AGBL4: variants seen among roughly 807,000 people sequenced by gnomAD.
The protein encoded by AGBL4 is AGBL carboxypeptidase 4, also known as cytosolic carboxypeptidase 6.
In AGBL4, 58 loss-of-function variants were observed where a neutral mutation model predicts 66.4. That is an observed-to-expected ratio of 0.87 (90% CI 0.71 to 1.09). The LOEUF (loss-of-function observed/expected upper bound fraction) is 1.09, where lower values mean the gene tolerates loss of function less well. AGBL4 is among the 50% of genes least tolerant of loss of function. AGBL4 has a pLI of 0.00. For missense variants in AGBL4, 579 were observed against 631.0 expected (o/e 0.92, Z 0.88); for synonymous variants, 234 against 222.9 (o/e 1.05, Z -0.44).
In AGBL4 at chr1:48,730,152, G is replaced by C. The variant is rs567590173; in HGVS notation, c.635-66911C>G. On this transcript the variant is annotated intron_variant, in intron 6 of 13. Coordinates refer to ENST00000371839, the MANE Select transcript of AGBL4 (RefSeq NM_032785.4). Reference sequence around the variant, plus strand: ...TCGGTTTTTCTCTCTGTCAAAGCACGAATCACAATCTAATAAAACTGTAAC... The same window carrying C: ...TCGGTTTTTCTCTCTGTCAAAGCACCAATCACAATCTAATAAAACTGTAAC... Among the ~76,000 whole-genome samples, 3 of 152,172 alleles carry C rather than the reference G, an allele frequency of 2.0e-5. No individual in the cohort carries two copies. The East Asian group carries it at 5.8e-4, about 29-fold the overall frequency.
intron 3 of AGBL4, among the ~76,000 whole-genome samples, chr1:49,372,941 T>C (rs1305305650): frequency 1.3e-5 from 2 of 151,998 alleles, no homozygotes; most frequent in Non-Finnish European, 2.9e-5. Context: ...GTATTTTTAG[T>C]AGAGATGGGA....
intron 3 of AGBL4, among the ~76,000 whole-genome samples, chr1:49,336,408 C>T (rs573411589): frequency 3.3e-4 from 51 of 152,306 alleles, no homozygotes; most frequent in Admixed American, 1.6e-3. Context: ...ACTAAGTCTA[C>T]GATTCAAATG....
intron 3 of AGBL4, among the ~76,000 whole-genome samples, chr1:49,283,461 T>C (rs1275418771): frequency 2.0e-5 from 3 of 151,970 alleles, no homozygotes; most frequent in African/African-American, 7.3e-5. Flanking sequence ...ACGCAGAGCG[T>C]CTCTCCTCCT....
intron 3 of AGBL4, among the ~76,000 whole-genome samples, chr1:49,335,020 A>C (rs241468): frequency 0.88 from 134,709 of 152,250 alleles, 59,907 homozygotes; most frequent in African/African-American, 0.97. Context: ...ATACACACAG[A>C]CACTGGTTTC....
intron 3 of AGBL4, among the ~76,000 whole-genome samples, chr1:49,290,414 G>A (rs147985203): frequency 2.3e-3 from 355 of 152,292 alleles, no homozygotes; most frequent in African/African-American, 7.9e-3. Context: ...GCTTGTGCCT[G>A]AGTCACACAG....
chr1:49,191,181 A>G (rs964966294), intron 4 of AGBL4, among the ~76,000 whole-genome samples: 4 of 152,362 alleles, frequency 2.6e-5, no homozygotes, highest in African/African-American at 7.2e-5. Flanking sequence ...GGTCCTGTAC[A>G]TTAAGGGAAG....
chr1:48,776,886 G>A (rs1177223341), intron 6 of AGBL4: 2 of 1,245,818 alleles, frequency 1.6e-6, no homozygotes. Context: ...GGGCGGGCGC[G>A]GAGGTGGGGA....
intron 2 of AGBL4, among the ~76,000 whole-genome samples, chr1:49,768,724 G>A (rs1316711923): frequency 1.3e-5 from 2 of 152,118 alleles, no homozygotes; most frequent in Admixed American, 6.5e-5. Flanking sequence ...AGAAAAAAAA[G>A]TCAAAATATT....
intron 3 of AGBL4, among the ~76,000 whole-genome samples, chr1:49,653,132 A>C (rs1646043431): frequency 6.6e-6 from 1 of 152,120 alleles, no homozygotes; most frequent in Non-Finnish European, 1.5e-5. Context: ...CATCTTTGCT[A>C]TTCTGCAGCC....
chr1:48,564,608 A>T (rs892818238), intron 11 of AGBL4, among the ~76,000 whole-genome samples: 1 of 152,208 alleles, frequency 6.6e-6, no homozygotes, highest in Non-Finnish European at 1.5e-5. Context: ...TTCATCTCTT[A>T]ACCAGCATGT....
At chr1:50,021,948 T>C (rs868655245) in intron 1 of AGBL4, among the ~76,000 whole-genome samples, 2 of 152,176 alleles carry the variant, frequency 1.3e-5, no homozygotes, top group Non-Finnish European at 2.9e-5. Flanking sequence ...TTGCCCCACA[T>C]GTACCCACAC....
intron 11 of AGBL4, chr1:48,586,410 G>GA (rs978862110): frequency 6.5e-6 from 1 of 152,894 alleles, no homozygotes; most frequent in Non-Finnish European, 1.5e-5. Context: ...AGAGAGGACA[G>GA]AAAGGAGGGG....
chr1:49,363,117 A>C (rs1644175642), intron 3 of AGBL4, among the ~76,000 whole-genome samples: 1 of 152,218 alleles, frequency 6.6e-6, no homozygotes, highest in African/African-American at 2.4e-5. Context: ...AAGAATATGA[A>C]GCGAGAAGAC....
chr1:49,593,179 C>A (rs575363580), intron 3 of AGBL4, among the ~76,000 whole-genome samples: 1 of 152,038 alleles, frequency 6.6e-6, no homozygotes, highest in South Asian at 2.1e-4. Context: ...GAGGCCAAGG[C>A]GGGTGGATCA....
At chr1:49,819,859 C>A (rs1307695779) in intron 2 of AGBL4, among the ~76,000 whole-genome samples, 1 of 152,074 alleles carries the variant, frequency 6.6e-6, no homozygotes, top group African/African-American at 2.4e-5. Context: ...CCATTGGAAG[C>A]AGAGAAGGGA....
intron 4 of AGBL4, among the ~76,000 whole-genome samples, chr1:49,119,875 C>T (rs530575926): frequency 9.2e-5 from 14 of 152,240 alleles, no homozygotes; most frequent in Non-Finnish European, 1.8e-4. Context: ...GTATTGGGTG[C>T]ATATATATTT....
At chr1:49,768,139 A>G (rs79606444) in intron 2 of AGBL4, among the ~76,000 whole-genome samples, 2,842 of 152,262 alleles carry the variant, frequency 0.019, 81 homozygotes, top group African/African-American at 0.063. Context: ...ATTCCAAAAA[A>G]TTGAGGAGGA....
At position 49,245,866 on chromosome 1, in the gene AGBL4, T is replaced by C; in HGVS notation, c.283-2A>G. ...GTTAACAATGTTGAAAATGACCCTC[T>C]GAAAAAGAAAGAGGGAGAAGTTCAT... is the stretch of plus-strand genomic sequence containing the variant. On this transcript the variant is annotated splice_acceptor_variant, in intron 3 of 13. Coordinates refer to ENST00000371839, the MANE Select transcript of AGBL4 (RefSeq NM_032785.4). LOFTEE classifies it high-confidence loss of function. 6.5e-7 allele frequency: 1 copy of C among 1,543,994 alleles called. No individual in the cohort carries two copies. Among genetic ancestry groups the C allele is most frequent in the Non-Finnish European group, 8.8e-7 (1 of 1,140,702 alleles).
chr1:49,526,829 T>C (rs939838012), intron 3 of AGBL4, among the ~76,000 whole-genome samples: 1 of 152,162 alleles, frequency 6.6e-6, no homozygotes, highest in Non-Finnish European at 1.5e-5. Context: ...GTGCATGGTA[T>C]CTAATTGACC....
Sources: gnomAD v4.1 joint callset for allele counts (sites outside exome capture counted in the v4.1 genomes callset) on GRCh38, gnomAD v4.1.1 for gene constraint, MANE v1.5 for transcripts, NCBI Gene and HGNC (gene_info 2026-07-23, HGNC 2026-07-21) for gene names.